Variants in CTNNA2 observed in about 807,000 individuals in gnomAD.
The protein encoded by CTNNA2 is catenin alpha-2.
In CTNNA2, 42 loss-of-function variants were observed where a neutral mutation model predicts 101.0. The ratio of observed to expected loss-of-function variants is 0.42; its 90% confidence interval spans 0.32 to 0.54. CTNNA2 has a LOEUF of 0.54. Among genes scored for constraint, CTNNA2 ranks in the 20% least tolerant of loss-of-function variants. CTNNA2 has a pLI of 0.14. For missense variants in CTNNA2, 871 were observed against 1,223.1 expected (o/e 0.71, Z 4.29); for synonymous variants, 450 against 456.4 (o/e 0.99, Z 0.18).
intron 7 of CTNNA2, among the ~76,000 whole-genome samples, chr2:80,300,836 C>T (rs1676218978): frequency 1.3e-5 from 2 of 151,936 alleles, no homozygotes; most frequent in Admixed American, 1.3e-4. Flanking sequence ...CTGCACCCAC[C>T]AACTGCCACT....
intron 2 of CTNNA2, among the ~76,000 whole-genome samples, chr2:79,679,719 T>A (rs1683428799): frequency 6.6e-6 from 1 of 152,118 alleles, no homozygotes; most frequent in East Asian, 1.9e-4. Context: ...AGCCTCTGCT[T>A]CCTACGTCAC....
chr2:80,591,455 C>CTATTTTTTTTT (rs1553401282), intron 15 of CTNNA2, among the ~76,000 whole-genome samples: 1 of 57,576 alleles, frequency 1.7e-5, no homozygotes, highest in African/African-American at 6.0e-5. Context: ...TCTGCACAGC[C>CTATTTTTTTTT]TGTTTTTTTT....
In CTNNA2 at chr2:80,088,917, T is replaced by C. The variant is rs149935699; in HGVS notation, c.1056+179120T>C. Among the ~76,000 whole-genome samples the C allele has an allele frequency of 2.8e-3, 429 of 152,132 alleles. 2 individuals carry two copies. The highest frequency in any genetic ancestry group is 3.1e-3 in the Non-Finnish European group (213 of 67,984). On this transcript the variant is annotated intron_variant, in intron 7 of 18. Transcript: ENST00000402739. ...TGTCAGACAGAGGTTTCTGTGCATA[T>C]GACGTTCCTACTCCTGCTTGGAAAT...
At chr2:80,479,566 A>G (rs1470258463) in intron 9 of CTNNA2, among the ~76,000 whole-genome samples, 1 of 152,144 alleles carries the variant, frequency 6.6e-6, no homozygotes, top group East Asian at 1.9e-4. Context: ...TTTATATATA[A>G]GATGGGTTAC....
At chr2:79,766,130 C>T (rs1912696) in intron 3 of CTNNA2, among the ~76,000 whole-genome samples, 23,197 of 151,992 alleles carry the variant, frequency 0.15, 2,039 homozygotes, top group Admixed American at 0.21. Flanking sequence ...AGTTTTGTAC[C>T]TTCAGGTGAT....
intron 18 of CTNNA2, among the ~76,000 whole-genome samples, chr2:80,641,070 T>A (rs1673420830): frequency 6.6e-6 from 1 of 152,198 alleles, no homozygotes; most frequent in African/African-American, 2.4e-5. Flanking sequence ...ATTTTAGCAT[T>A]ATCAAACTCA....
chr2:79,387,201 C>T (rs1012607957), intron 4 of CTNNA2, among the ~76,000 whole-genome samples: 1 of 152,152 alleles, frequency 6.6e-6, no homozygotes, highest in Non-Finnish European at 1.5e-5. Context: ...TATGATAAGT[C>T]CAGCCACCTA....
At chr2:79,807,580 T>C (rs72824566) in intron 3 of CTNNA2, among the ~76,000 whole-genome samples, 6,527 of 152,290 alleles carry the variant, frequency 0.043, 181 homozygotes, top group Middle Eastern at 0.12. Context: ...TATTATATTT[T>C]ATTCAGTGTT....
intron 2 of CTNNA2, among the ~76,000 whole-genome samples, chr2:79,678,640 C>A (rs1392416243): frequency 2.6e-5 from 4 of 152,136 alleles, no homozygotes; most frequent in Admixed American, 2.0e-4. Context: ...AAGCTAGTCT[C>A]CCATTTTCAT....
At chr2:79,394,592 C>G (rs1678209917) in intron 4 of CTNNA2, among the ~76,000 whole-genome samples, 1 of 152,078 alleles carries the variant, frequency 6.6e-6, no homozygotes, top group African/African-American at 2.4e-5. Flanking sequence ...ATCAAAATAC[C>G]CTCTGCCCAA....
At chr2:79,289,123 C>A (rs1045827712) in intron 2 of CTNNA2, among the ~76,000 whole-genome samples, 55 of 152,240 alleles carry the variant, frequency 3.6e-4, no homozygotes, top group African/African-American at 1.2e-3. Context: ...CTATTTTCTT[C>A]CAAATTGGGC....
intron 9 of CTNNA2, among the ~76,000 whole-genome samples, chr2:80,517,562 C>A (rs1468947575): frequency 6.6e-6 from 1 of 152,136 alleles, no homozygotes; most frequent in Non-Finnish European, 1.5e-5. Flanking sequence ...CACTTACAGG[C>A]GTCTATTAAT....
chr2:79,663,886 C>G (rs1682214431), intron 2 of CTNNA2, among the ~76,000 whole-genome samples: 1 of 152,176 alleles, frequency 6.6e-6, no homozygotes, highest in Non-Finnish European at 1.5e-5. Context: ...AAACCATTCT[C>G]TTTCAAAAAA....
chr2:79,815,321 G>A (rs1677401155), intron 3 of CTNNA2, among the ~76,000 whole-genome samples: 1 of 152,096 alleles, frequency 6.6e-6, no homozygotes, highest in Non-Finnish European at 1.5e-5. Flanking sequence ...TTGCTTTTGG[G>A]TTCCTGATAA....
chr2:79,530,892 T>C lies in CTNNA2; in HGVS notation c.-6+17685T>C, dbSNP rs577365127. Among the ~76,000 whole-genome samples the C allele has an allele frequency of 4.6e-5, 7 of 152,192 alleles. No homozygotes were observed. In the South Asian group the frequency reaches 1.5e-3, roughly 32 times the overall value. On this transcript the variant is annotated intron_variant, in intron 1 of 18. Coordinates refer to ENST00000402739, the MANE Select transcript of CTNNA2 (RefSeq NM_001282597.3). ...CAGAACACTCAGGATAGTGAGTTCA[T>C]TGGTGAATTAGTTTCCTAGAGTAGG...
At chr2:79,226,073 C>T (rs1054222325) in intron 2 of CTNNA2, among the ~76,000 whole-genome samples, 2 of 152,096 alleles carry the variant, frequency 1.3e-5, no homozygotes, top group Non-Finnish European at 1.5e-5. Context: ...TTATTTTGGA[C>T]TTTGAAGCAC....
At chr2:79,793,868 CCACA>C (rs530335591) in intron 3 of CTNNA2, among the ~76,000 whole-genome samples, 3 of 138,554 alleles carry the variant, frequency 2.2e-5, no homozygotes, top group Non-Finnish European at 3.0e-5. Flanking sequence ...TTCCCCAATA[CCACA>C]CACACACACA....
At chr2:79,329,721 C>T (rs1424295354) in intron 3 of CTNNA2, among the ~76,000 whole-genome samples, 1 of 152,142 alleles carries the variant, frequency 6.6e-6, no homozygotes, top group Non-Finnish European at 1.5e-5. Flanking sequence ...TGATGAGAGA[C>T]ACTTAGAGAT....
chr2:79,549,483 TAG>T (rs1447750575), intron 1 of CTNNA2, among the ~76,000 whole-genome samples: 1 of 152,216 alleles, frequency 6.6e-6, no homozygotes, highest in African/African-American at 2.4e-5. Flanking sequence ...GACAAAAGAC[TAG>T]AGAATTGGTT....
Sources: allele counts gnomAD v4.1 joint callset (sites outside exome capture counted in the v4.1 genomes callset), GRCh38; gene constraint gnomAD v4.1.1; transcripts MANE v1.5; gene names NCBI Gene and HGNC (gene_info 2026-07-23, HGNC 2026-07-21).